TBC1D32: variants seen among roughly 807,000 people sequenced by gnomAD.
TBC1D32 encodes the protein TBC1 domain family member 32.
Under a neutral mutation model 170.3 loss-of-function variants are expected in TBC1D32, and 151 were observed. That is an observed-to-expected ratio of 0.89 (90% CI 0.78 to 1.01). The LOEUF is 1.01. TBC1D32 is among the 50% of genes least tolerant of loss of function. TBC1D32 has a pLI of 0.00. For synonymous variants in TBC1D32, 498 were observed against 488.0 expected (o/e 1.02, Z -0.27); for missense variants, 1,464 against 1,457.1 (o/e 1.00, Z -0.08).
At chr6:121,235,482 G>A (rs1796223557) in intron 20 of TBC1D32, among the ~76,000 whole-genome samples, 1 of 152,094 alleles carries the variant, frequency 6.6e-6, no homozygotes, top group South Asian at 2.1e-4. Flanking sequence ...TTTCCAGGGG[G>A]ATTATGGCTG....
chr6:121,150,164 CTT>C (rs900620128), intron 24 of TBC1D32, among the ~76,000 whole-genome samples: 4 of 152,112 alleles, frequency 2.6e-5, no homozygotes, highest in African/African-American at 9.7e-5. Context: ...ATAAATAACT[CTT>C]ATTATTTTGA....
chr6:121,262,929 A>T (rs1008574379), intron 15 of TBC1D32, among the ~76,000 whole-genome samples: 15 of 152,186 alleles, frequency 9.9e-5, no homozygotes, highest in African/African-American at 3.4e-4. Context: ...TGAAGCAAGC[A>T]CTAAATAGGG....
intron 22 of TBC1D32, among the ~76,000 whole-genome samples, chr6:121,173,284 C>A (rs1182954297): frequency 2.6e-5 from 4 of 152,128 alleles, no homozygotes; most frequent in African/African-American, 9.7e-5. Context: ...CTTTGGGACT[C>A]AGACTGGCTT....
intron 26 of TBC1D32, among the ~76,000 whole-genome samples, chr6:121,123,501 CT>C (rs1780499767): frequency 6.6e-6 from 1 of 152,048 alleles, no homozygotes; most frequent in Non-Finnish European, 1.5e-5. Context: ...TTTTTGGTCT[CT>C]TTTTATAGTC....
intron 3 of TBC1D32, among the ~76,000 whole-genome samples, chr6:121,313,105 G>GGTGTGTGTGTGTGTGTGT (rs71018125): frequency 1.8e-5 from 2 of 111,178 alleles, no homozygotes; most frequent in Admixed American, 8.6e-5. Flanking sequence ...AAGCTAAGGT[G>GGTGTGTGTGTGTGTGTGT]GTGTGTGTGT....
At position 121,126,401 on chromosome 6, in the gene TBC1D32, T is replaced by A; in HGVS notation, c.2960A>T (p.Tyr987Phe). The change falls in exon 26 of 32, where the codon TAC (tyrosine) becomes TTC (phenylalanine). Residue 987 changes from tyrosine (Y) to phenylalanine (F), a missense_variant. Transcript: ENST00000398212. ...ACCTGTATACTCCACTGAAGGGAAG[T>A]AGCATTCAGATGGGCTTTCAGTGAG... Reference protein sequence around the residue: ...LHLTESPSECYFPSVEYTATD... With the variant: ...LHLTESPSECFFPSVEYTATD... 1 of 1,612,818 alleles carries A rather than the reference T, an allele frequency of 6.2e-7. No homozygotes were observed. Among genetic ancestry groups the A allele is most frequent in the East Asian group, 2.2e-5 (1 of 44,752 alleles).
chr6:121,239,035 C>T (rs1376071109), intron 20 of TBC1D32, 35 bp downstream of exon 20: 6 of 1,207,020 alleles, frequency 5.0e-6, no homozygotes, highest in Admixed American at 3.5e-5. Flanking sequence ...AAATACTTTT[C>T]AAATCTGTGT....
intron 22 of TBC1D32, among the ~76,000 whole-genome samples, chr6:121,176,589 A>T (rs1337593377): frequency 1.3e-5 from 2 of 151,794 alleles, no homozygotes; most frequent in African/African-American, 4.8e-5. Context: ...TTCAATGTAC[A>T]TTACCTGTTT....
chr6:121,187,814 G>C (rs1199756369), intron 22 of TBC1D32, among the ~76,000 whole-genome samples: 1 of 149,432 alleles, frequency 6.7e-6, no homozygotes, highest in Non-Finnish European at 1.5e-5. Flanking sequence ...GTGATAAAAG[G>C]AAAAAAAATA....
At chr6:121,161,358 T>C (rs1463298382) in intron 22 of TBC1D32, among the ~76,000 whole-genome samples, 1 of 152,046 alleles carries the variant, frequency 6.6e-6, no homozygotes, top group African/African-American at 2.4e-5. Flanking sequence ...CTCCCCAGCT[T>C]CACCCTCTAA....
intron 22 of TBC1D32, among the ~76,000 whole-genome samples, 171 bp from the exon 23 acceptor site, chr6:121,161,227 C>G (rs1011761938): frequency 6.6e-6 from 1 of 152,072 alleles, no homozygotes; most frequent in Admixed American, 6.6e-5. Context: ...GGTACCTGTG[C>G]AGGATGTGCA....
intron 3 of TBC1D32, among the ~76,000 whole-genome samples, chr6:121,312,168 G>T (rs559939722): frequency 6.6e-6 from 1 of 152,214 alleles, no homozygotes; most frequent in South Asian, 2.1e-4. Flanking sequence ...ACAGAGAGGG[G>T]AACATCACAC....
chr6:121,142,105 G>A (rs559278200), intron 24 of TBC1D32, among the ~76,000 whole-genome samples: 21 of 152,308 alleles, frequency 1.4e-4, no homozygotes, highest in South Asian at 4.1e-4. Flanking sequence ...AAATAAATGC[G>A]AGCATCGCCA....
intron 30 of TBC1D32, among the ~76,000 whole-genome samples, chr6:121,098,438 C>T (rs73536471): frequency 0.19 from 29,299 of 151,740 alleles, 3,932 homozygotes; most frequent in African/African-American, 0.36. Flanking sequence ...CTTACACTAT[C>T]GGAATGACCT....
At chr6:121,082,043 A>G (rs1775696788) in intron 31 of TBC1D32, among the ~76,000 whole-genome samples, 2 of 152,028 alleles carry the variant, frequency 1.3e-5, no homozygotes, top group South Asian at 4.1e-4. Flanking sequence ...TAAGTATCTG[A>G]GCTCTAATCT....
At chr6:121,220,244 T>C (rs151042039) in intron 21 of TBC1D32, among the ~76,000 whole-genome samples, 3 of 152,186 alleles carry the variant, frequency 2.0e-5, no homozygotes, top group African/African-American at 7.2e-5. Flanking sequence ...AGCCAAGTTG[T>C]GCATGCAAAG....
intron 21 of TBC1D32, among the ~76,000 whole-genome samples, chr6:121,209,350 G>A (rs1291098161): frequency 6.6e-6 from 1 of 152,050 alleles, no homozygotes; most frequent in Non-Finnish European, 1.5e-5. Context: ...CATGAGATCT[G>A]CCCCCTTAGC....
In TBC1D32 at chr6:121,256,239, C is replaced by T. The variant is rs1471515962; in HGVS notation, c.1780G>A (p.Asp594Asn). 10 of 1,613,518 alleles carry T rather than the reference C, an allele frequency of 6.2e-6. No homozygotes were observed. The highest frequency in any genetic ancestry group is 2.2e-5 in the East Asian group (1 of 44,838). The part of the protein sequence containing the change: ...IIAQFSKKLL[D>N]EDISIFSGSE... ...CCAGAAAATATAGAAATATCTTCAT[C>T]GAGAAGTTTTTTCGAAAACTGGGCA... Residue 594 changes from aspartate to asparagine, a missense_variant, in exon 16 of 32, where the codon GAT becomes AAT. Transcript: ENST00000398212.
Position 121,113,156 on chromosome 6 carries a change from G to A in TBC1D32, c.3075C>T (p.Leu1025=). ...MTVRYGKFLS[L]LKDGAENDLT... is the part of the protein sequence containing the mutation. Reference sequence around the variant, plus strand: ...GATCATTTTCTGCACCATCTTTTAAGAGACTGAGGAATTTGCCATACCTAT... The same window carrying A: ...GATCATTTTCTGCACCATCTTTTAAAAGACTGAGGAATTTGCCATACCTAT... Residue 1025 remains leucine (L), a synonymous_variant, in exon 28 of 32, where the codon CTC becomes CTT. Transcript: ENST00000398212. 1 of 1,609,250 alleles carries A rather than the reference G, an allele frequency of 6.2e-7. No homozygotes were observed. The highest frequency in any genetic ancestry group is 8.5e-7 in the Non-Finnish European group (1 of 1,178,326).
Sources: gnomAD v4.1 joint callset for allele counts (sites outside exome capture counted in the v4.1 genomes callset) on GRCh38, gnomAD v4.1.1 for gene constraint, MANE v1.5 for transcripts, NCBI Gene and HGNC (gene_info 2026-07-23, HGNC 2026-07-21) for gene names.